VGLL4: variants seen among roughly 807,000 people sequenced by gnomAD.
The protein encoded by VGLL4 is vestigial like family member 4, also known as transcription cofactor vestigial-like protein 4.
A neutral mutation model predicts 21.0 loss-of-function variants in VGLL4; 7 were observed. The ratio of observed to expected loss-of-function variants is 0.33; its 90% CI spans 0.19 to 0.63. The LOEUF is 0.63. Ranked by LOEUF, VGLL4 falls within the 20% of genes least tolerant of loss-of-function variation. The pLI is 0.78. For synonymous variants in VGLL4, 222 were observed against 173.2 expected, an observed-to-expected ratio of 1.28 and a Z score of -2.21; for missense variants, 394 against 425.7, an observed-to-expected ratio of 0.93 and a Z score of 0.66.
chr3:11,695,856 TA>T (rs2076600401), intron 2 of VGLL4, among the ~76,000 whole-genome samples: 1 of 152,122 alleles, frequency 6.6e-6, no homozygotes. Flanking sequence ...AGTGATCAGA[TA>T]AGCCTCCAAA....
In VGLL4 at chr3:11,643,338, G is replaced by A. The variant is rs1299453679; in HGVS notation, c.82+99C>T. On this transcript the variant is annotated intron_variant, in intron 1 of 4. Transcript: ENST00000430365. Reference sequence around the variant, plus strand: ...CGGCCTTTCAAGTGCCCTACACCCCGGAGGAGGACAGCGGGCGCTTAGAAG... The same window carrying A: ...CGGCCTTTCAAGTGCCCTACACCCCAGAGGAGGACAGCGGGCGCTTAGAAG... The A allele has an allele frequency of 3.8e-6, 6 of 1,573,712 alleles. No individual in the cohort carries two copies. In the Admixed American group the frequency reaches 6.8e-5, roughly 18 times the overall value.
At chr3:11,706,269 T>G (rs1470578878) in intron 1 of VGLL4, among the ~76,000 whole-genome samples, 1 of 152,190 alleles carries the variant, frequency 6.6e-6, no homozygotes, top group Non-Finnish European at 1.5e-5. Context: ...ATAATGGGTA[T>G]TAAAGGTTCA....
intron 1 of VGLL4, among the ~76,000 whole-genome samples, chr3:11,717,337 A>G (rs2076933040): frequency 6.6e-6 from 1 of 152,026 alleles, no homozygotes; most frequent in Non-Finnish European, 1.5e-5. Flanking sequence ...TTATTTTACT[A>G]AGGCAAATTA....
upstream of VGLL4, among the ~76,000 whole-genome samples, chr3:11,647,435 G>A (rs1306822526): frequency 2.0e-5 from 3 of 152,204 alleles, no homozygotes; most frequent in South Asian, 2.1e-4. Context: ...TCCTTTTACA[G>A]GGTAAGTAGT....
chr3:11,663,819 T>C (rs984680001), intron 2 of VGLL4, among the ~76,000 whole-genome samples: 2 of 152,244 alleles, frequency 1.3e-5, no homozygotes, highest in Non-Finnish European at 2.9e-5. Context: ...CATATCCTTG[T>C]TTCTGAAGTA....
At chr3:11,634,420 C>T (rs773765123) in intron 1 of VGLL4, among the ~76,000 whole-genome samples, 12 of 152,176 alleles carry the variant, frequency 7.9e-5, no homozygotes, top group Admixed American at 1.3e-4. Context: ...CTGTGGCCAC[C>T]GTCAGAATTT....
At chr3:11,687,456 G>A (rs1001782942) in intron 2 of VGLL4, among the ~76,000 whole-genome samples, 2 of 152,174 alleles carry the variant, frequency 1.3e-5, no homozygotes, top group African/African-American at 2.4e-5. Flanking sequence ...GTTGATATGG[G>A]AATGAGTTTT....
chr3:11,718,132 C>G (rs1016161681), intron 1 of VGLL4, among the ~76,000 whole-genome samples: 10 of 152,044 alleles, frequency 6.6e-5, no homozygotes, highest in African/African-American at 2.4e-4. Flanking sequence ...GCAGGCTGCC[C>G]AGAAGTGTGA....
intron 1 of VGLL4, among the ~76,000 whole-genome samples, chr3:11,709,178 C>T (rs2076802720): frequency 6.6e-6 from 1 of 152,058 alleles, no homozygotes; most frequent in South Asian, 2.1e-4. Flanking sequence ...TGGCTCATGC[C>T]TGTAATCCCA....
intron 2 of VGLL4, chr3:11,671,209 TCA>T: frequency 6.5e-7 from 1 of 1,548,682 alleles, no homozygotes; most frequent in Non-Finnish European, 8.7e-7. Context: ...TTAATTAATT[TCA>T]ATTAAGAAAT....
rs200909181 is a variant in VGLL4 at position 11,558,757 on chromosome 3, G to C, written c.690C>G (p.Pro230=). ...RRSLGKNYKE[P]EPAPNSVSIT... The stretch of plus-strand genomic sequence containing the variant: ...TGGACACGGAGTTGGGTGCCGGCTC[G>C]GGCTCCTTGTAATTCTTGCCCAGGC... Residue 230 remains proline (P), a synonymous_variant, in exon 5 of 5, where the codon CCC becomes CCG. Transcript: ENST00000430365. The C allele has an allele frequency of 1.1e-5, 18 of 1,614,114 alleles. No individual in the cohort carries two copies. The highest frequency in any genetic ancestry group is 1.4e-5 in the Non-Finnish European group (17 of 1,180,016).
intron 1 of VGLL4, 44 bp from the exon 2 acceptor site, chr3:11,602,066 C>A: frequency 6.8e-7 from 1 of 1,462,912 alleles, no homozygotes; most frequent in Non-Finnish European, 9.0e-7. Flanking sequence ...GGAGAAAGGC[C>A]CCCATCTCAG....
chr3:11,708,520 C>T (rs916130095), intron 1 of VGLL4, among the ~76,000 whole-genome samples: 5 of 151,042 alleles, frequency 3.3e-5, no homozygotes, highest in Non-Finnish European at 7.4e-5. Flanking sequence ...CAGCACAGGG[C>T]CAGGTCACGT....
At chr3:11,592,078 C>T (rs1255926074) in intron 2 of VGLL4, among the ~76,000 whole-genome samples, 2 of 152,226 alleles carry the variant, frequency 1.3e-5, no homozygotes, top group Non-Finnish European at 2.9e-5. Flanking sequence ...CAAGTTTAGA[C>T]TATGCCAAGG....
chr3:11,590,745 G>A (rs943867317), intron 2 of VGLL4, among the ~76,000 whole-genome samples: 2 of 151,750 alleles, frequency 1.3e-5, no homozygotes, highest in Admixed American at 6.6e-5. Flanking sequence ...TGGAGAGAGA[G>A]CAAGACCTGC....
intron 2 of VGLL4, among the ~76,000 whole-genome samples, chr3:11,584,186 T>C (rs940308267): frequency 6.6e-6 from 1 of 152,206 alleles, no homozygotes; most frequent in Admixed American, 6.5e-5. Flanking sequence ...AGAGCATCCT[T>C]AATATGAAGA....
chr3:11,659,488 C>T (rs545775110), intron 2 of VGLL4, among the ~76,000 whole-genome samples: 20 of 151,988 alleles, frequency 1.3e-4, no homozygotes, highest in Admixed American at 9.2e-4. Context: ...TGCACCACCA[C>T]GCCCAGCTAA....
At chr3:11,705,972 C>T (rs2076756375) in intron 1 of VGLL4, among the ~76,000 whole-genome samples, 1 of 151,858 alleles carries the variant, frequency 6.6e-6, no homozygotes, top group South Asian at 2.1e-4. Context: ...TGCTGATAAG[C>T]ATCCTACTTT....
Position 11,558,778 on chromosome 3 carries a change from C to G in VGLL4, c.669G>C (p.Leu223=). ...PVVEEHFRRS[L]GKNYKEPEPA... ...GCTCGGGCTCCTTGTAATTCTTGCC[C>G]AGGCTCCTGCGGAAATGCTCCTCCA... Residue 223 remains leucine, a synonymous_variant, in exon 5 of 5, where the codon CTG becomes CTC. Coordinates refer to ENST00000430365, the MANE Select transcript of VGLL4 (RefSeq NM_001128219.3). 1 of 1,614,036 alleles carries G rather than the reference C, an allele frequency of 6.2e-7. No individual in the cohort carries two copies. Among genetic ancestry groups the G allele is most frequent in the Non-Finnish European group, 8.5e-7 (1 of 1,180,002 alleles).
Sources: allele counts gnomAD v4.1 joint callset (sites outside exome capture counted in the v4.1 genomes callset), GRCh38; gene constraint gnomAD v4.1.1; transcripts MANE v1.5; gene names NCBI Gene and HGNC (gene_info 2026-07-23, HGNC 2026-07-21).